Variants in CDC42SE2 observed in about 807,000 individuals in gnomAD.
CDC42SE2 encodes the protein CDC42 small effector protein 2.
CDC42SE2 carries 3 observed loss-of-function variants against 11.5 expected under a neutral mutation model. The observed-to-expected ratio is 0.26, with a 90% CI of 0.12 to 0.67. The LOEUF (loss-of-function observed/expected upper bound fraction) is 0.67, where lower values mean the gene tolerates loss of function less well. Ranked by LOEUF, CDC42SE2 falls within the 30% of genes least tolerant of loss-of-function variation. The probability of loss-of-function intolerance (pLI) is 0.80; values close to 1 mark genes in which losing one functional copy is unlikely to be tolerated. For missense variants in CDC42SE2, 82 were observed against 106.8 expected (o/e 0.77, Z 1.02); for synonymous variants, 33 against 34.8 (o/e 0.95, Z 0.18).
At chr5:131,385,769 C>T (rs1195954560) in intron 4 of CDC42SE2, 125 bp downstream of exon 4, 5 of 541,530 alleles carry the variant, frequency 9.2e-6, no homozygotes, top group Non-Finnish European at 1.7e-5. Flanking sequence ...AATGTAAATA[C>T]ATAATATGAG....
chr5:131,301,632 C>T (rs1477785967), intron 1 of CDC42SE2, among the ~76,000 whole-genome samples: 2 of 151,778 alleles, frequency 1.3e-5, no homozygotes, highest in East Asian at 1.9e-4. Context: ...GTGGCGCGTG[C>T]CTGTAATTCC....
intron 1 of CDC42SE2, among the ~76,000 whole-genome samples, chr5:131,312,330 G>A (rs1168079028): frequency 1.3e-5 from 2 of 152,160 alleles, no homozygotes; most frequent in Non-Finnish European, 2.9e-5. Flanking sequence ...TGCTGGGAGT[G>A]CCAGTGCTCT....
At chr5:131,233,253 T>G in the CDC42SE2 span, among the ~76,000 whole-genome samples, 4 of 152,140 alleles carry the variant, frequency 2.6e-5, no homozygotes, top group African/African-American at 7.2e-5. Flanking sequence ...ATATAAATAT[T>G]TATGATAATA....
At chr5:131,279,054 G>A (rs188483753) in intron 1 of CDC42SE2, among the ~76,000 whole-genome samples, 93 of 151,808 alleles carry the variant, frequency 6.1e-4, no homozygotes, top group African/African-American at 2.2e-3. Flanking sequence ...CAAAGCTCTG[G>A]GATTACAGGC....
intron 1 of CDC42SE2, among the ~76,000 whole-genome samples, chr5:131,290,800 A>G (rs1757442186): frequency 6.6e-6 from 1 of 151,704 alleles, no homozygotes; most frequent in Admixed American, 6.6e-5. Flanking sequence ...TTTATGATGA[A>G]ACCAGCGTAG....
At chr5:131,312,182 G>A (rs937884705) in intron 1 of CDC42SE2, among the ~76,000 whole-genome samples, 2 of 151,566 alleles carry the variant, frequency 1.3e-5, no homozygotes, top group African/African-American at 2.4e-5. Flanking sequence ...CTCAGCTGCC[G>A]GTCTGTTGGA....
intron 3 of CDC42SE2, among the ~76,000 whole-genome samples, chr5:131,375,750 C>G (rs1260147975): frequency 6.6e-6 from 1 of 152,192 alleles, no homozygotes; most frequent in Non-Finnish European, 1.5e-5. Context: ...TATTGAAGAG[C>G]AGATATTTTT....
At chr5:131,385,986 C>T (rs1352843305) in intron 4 of CDC42SE2, among the ~76,000 whole-genome samples, 1 of 152,146 alleles carries the variant, frequency 6.6e-6, no homozygotes, top group Non-Finnish European at 1.5e-5. Context: ...TGGATATCAG[C>T]CTTTTTAATA....
the CDC42SE2 span, among the ~76,000 whole-genome samples, chr5:131,231,704 T>G: frequency 2.0e-5 from 3 of 152,236 alleles, no homozygotes; most frequent in African/African-American, 7.2e-5. Flanking sequence ...CTTTGCTTTT[T>G]GTTTCTTCCT....
intron 1 of CDC42SE2, among the ~76,000 whole-genome samples, chr5:131,264,556 G>T (rs1331254204): frequency 6.6e-6 from 1 of 151,556 alleles, no homozygotes; most frequent in Non-Finnish European, 1.5e-5. Context: ...GGCGGGCGGG[G>T]AGGGCCCGGG....
intron 3 of CDC42SE2, among the ~76,000 whole-genome samples, chr5:131,371,094 T>A (rs1443319960): frequency 1.3e-5 from 2 of 152,226 alleles, no homozygotes; most frequent in East Asian, 3.8e-4. Flanking sequence ...AGTAATTATC[T>A]GGGATTTAAT....
chr5:131,247,249 G>A (rs1312929454), intron 1 of CDC42SE2, among the ~76,000 whole-genome samples: 1 of 152,106 alleles, frequency 6.6e-6, no homozygotes, highest in Non-Finnish European at 1.5e-5. Context: ...ACAACCAATA[G>A]TTTAATATTA....
At chr5:131,369,460 C>T (rs1749953866) in intron 3 of CDC42SE2, among the ~76,000 whole-genome samples, 1 of 152,172 alleles carries the variant, frequency 6.6e-6, no homozygotes, top group African/African-American at 2.4e-5. Flanking sequence ...CTGGGTCTAA[C>T]AGCTGAGGAA....
chr5:131,252,468 A>G (rs1356298782), intron 1 of CDC42SE2, among the ~76,000 whole-genome samples: 1 of 152,176 alleles, frequency 6.6e-6, no homozygotes, highest in Non-Finnish European at 1.5e-5. Flanking sequence ...AGGCTGGCCT[A>G]CATGGTGAAA....
intron 3 of CDC42SE2, among the ~76,000 whole-genome samples, chr5:131,366,665 C>T (rs1749865965): frequency 1.3e-5 from 2 of 151,840 alleles, no homozygotes; most frequent in South Asian, 4.2e-4. Context: ...GTGACATCAG[C>T]AAAAGTAATA....
upstream of CDC42SE2, among the ~76,000 whole-genome samples, chr5:131,262,349 T>C (rs1483632535): frequency 1.3e-5 from 2 of 152,144 alleles, no homozygotes; most frequent in African/African-American, 4.8e-5. Context: ...ATCAAAATGC[T>C]TATGGTATGA....
chr5:131,341,262 C>G (rs1190868057), intron 2 of CDC42SE2, among the ~76,000 whole-genome samples: 2 of 151,950 alleles, frequency 1.3e-5, no homozygotes, highest in African/African-American at 4.8e-5. Flanking sequence ...TTGAGAATTC[C>G]AAGAGTTAAG....
chr5:131,229,045 G>C, the CDC42SE2 span, among the ~76,000 whole-genome samples: 1 of 152,190 alleles, frequency 6.6e-6, no homozygotes, highest in African/African-American at 2.4e-5. Context: ...AGTATATCCT[G>C]AAGTTTCTGA....
At chr5:131,300,523 G>A (rs1198702332) in intron 1 of CDC42SE2, among the ~76,000 whole-genome samples, 2 of 152,122 alleles carry the variant, frequency 1.3e-5, no homozygotes, top group East Asian at 1.9e-4. Flanking sequence ...AGTGGCTCAC[G>A]CCTGTAATCC....
Sources: gnomAD v4.1 joint callset for allele counts (sites outside exome capture counted in the v4.1 genomes callset) on GRCh38, gnomAD v4.1.1 for gene constraint, MANE v1.5 for transcripts, NCBI Gene and HGNC (gene_info 2026-07-23, HGNC 2026-07-21) for gene names.